Variants in MGAT4C observed in about 807,000 individuals in gnomAD.
The protein encoded by MGAT4C is MGAT4 family member C, also known as alpha-1,3-mannosyl-glycoprotein 4-beta-N-acetylglucosaminyltransferase C.
Under a neutral mutation model 40.1 loss-of-function variants are expected in MGAT4C, and 19 were observed. The observed-to-expected ratio is 0.47, with a 90% CI of 0.33 to 0.70. The LOEUF is 0.70. Among genes scored for constraint, MGAT4C ranks in the 30% least tolerant of loss-of-function variants. The pLI, the probability that MGAT4C is intolerant of heterozygous loss-of-function variation, is 0.02. For synonymous variants in MGAT4C, 181 were observed against 187.1 expected (o/e 0.97, Z 0.27); for missense variants, 491 against 563.2 (o/e 0.87, Z 1.30).
chr12:86,018,413 T>A (rs1162404252), intron 2 of MGAT4C, among the ~76,000 whole-genome samples: 1 of 152,186 alleles, frequency 6.6e-6, no homozygotes, highest in Non-Finnish European at 1.5e-5. Context: ...TTCATCTGTC[T>A]GACATGTGCC....
rs373159706 is a variant in MGAT4C at position 86,588,712 on chromosome 12, G to A, written c.-229+138497C>T. Among the ~76,000 whole-genome samples the A allele has an allele frequency of 2.7e-3, 414 of 151,946 alleles. 2 individuals are homozygous for A. The highest frequency in any genetic ancestry group is 8.9e-3 in the African/African-American group (369 of 41,460). On this transcript the variant is annotated intron_variant, in intron 2 of 7. Transcript: ENST00000548651. ...ATTATAACAAACTGTCTCTCAGACCGCAGTGCAATCAAACTAGAACTCAGG... is the reference window on the plus strand; with the variant it reads ...ATTATAACAAACTGTCTCTCAGACCACAGTGCAATCAAACTAGAACTCAGG...
intron 1 of MGAT4C, among the ~76,000 whole-genome samples, chr12:86,239,080 G>A (rs548325324): frequency 3.6e-4 from 55 of 151,880 alleles, no homozygotes; most frequent in African/African-American, 9.2e-4. Flanking sequence ...AGTGGCATTC[G>A]GCGAGTGTTC....
In MGAT4C at chr12:86,550,078, A is replaced by T. The variant is rs955325825; in HGVS notation, c.-228-114813T>A. Among the ~76,000 whole-genome samples, 22 of 152,014 alleles carry T rather than the reference A, an allele frequency of 1.4e-4. 1 individual carries two copies. Among genetic ancestry groups the T allele is most frequent in the South Asian group, 2.1e-4 (1 of 4,816 alleles). Reference sequence around the variant, plus strand: ...ATGATAGTGAGTGACTTCTCATGAGATCTGATGGTTTTATATGGGGCTTTT... The same window carrying T: ...ATGATAGTGAGTGACTTCTCATGAGTTCTGATGGTTTTATATGGGGCTTTT... On this transcript the variant is annotated intron_variant, in intron 2 of 7. Coordinates refer to the MGAT4C transcript ENST00000548651.
intron 4 of MGAT4C, among the ~76,000 whole-genome samples, chr12:86,306,933 A>T (rs745427905): frequency 6.6e-6 from 1 of 150,654 alleles, no homozygotes; most frequent in Admixed American, 6.6e-5. Context: ...ATGAAATTCT[A>T]TTTTTCAGTA....
intron 2 of MGAT4C, among the ~76,000 whole-genome samples, chr12:86,576,715 T>C (rs1960574135): frequency 1.3e-5 from 2 of 151,982 alleles, no homozygotes; most frequent in African/African-American, 4.8e-5. Flanking sequence ...GCTGTTTTGG[T>C]TACTATAGAT....
At chr12:86,700,893 T>C (rs1205453942) in intron 2 of MGAT4C, among the ~76,000 whole-genome samples, 1 of 152,104 alleles carries the variant, frequency 6.6e-6, no homozygotes, top group Admixed American at 6.6e-5. Flanking sequence ...GCTTTATTGA[T>C]AGTAGAGAAT....
chr12:86,588,873 T>C (rs376940514), intron 2 of MGAT4C, among the ~76,000 whole-genome samples: 1 of 151,372 alleles, frequency 6.6e-6, no homozygotes. Context: ...AGACACAACA[T>C]ACCAGAATCT....
chr12:86,805,940 G>A (rs1483330807), intron 1 of MGAT4C, among the ~76,000 whole-genome samples: 1 of 151,502 alleles, frequency 6.6e-6, no homozygotes, highest in East Asian at 1.9e-4. Context: ...ATCTCATTAT[G>A]GTTTTGATTT....
chr12:86,275,944 C>CAAAAAAAAAA (rs748476574), intron 4 of MGAT4C, among the ~76,000 whole-genome samples: 4 of 69,180 alleles, frequency 5.8e-5, no homozygotes, highest in Non-Finnish European at 8.0e-5. Context: ...ACTAAAAATC[C>CAAAAAAAAAA]AAAAAAAAAA....
intron 2 of MGAT4C, among the ~76,000 whole-genome samples, chr12:86,570,802 T>A (rs1960331718): frequency 6.6e-6 from 1 of 152,126 alleles, no homozygotes; most frequent in African/African-American, 2.4e-5. Context: ...ATTTACTTAA[T>A]ATTTTCTTTT....
chr12:86,135,734 G>C (rs1370907635), intron 1 of MGAT4C, among the ~76,000 whole-genome samples: 1 of 152,150 alleles, frequency 6.6e-6, no homozygotes, highest in Non-Finnish European at 1.5e-5. Context: ...GAGAATGTCA[G>C]CATCATCTTT....
chr12:86,044,091 C>T (rs2136948021), intron 2 of MGAT4C, among the ~76,000 whole-genome samples: 1 of 152,188 alleles, frequency 6.6e-6, no homozygotes, highest in Admixed American at 6.5e-5. Flanking sequence ...TGATTGTGGT[C>T]TAAGGTGGTT....
intron 1 of MGAT4C, among the ~76,000 whole-genome samples, chr12:86,173,391 C>T (rs1453829058): frequency 1.3e-5 from 2 of 151,992 alleles, no homozygotes; most frequent in Non-Finnish European, 2.9e-5. Context: ...TTGTAATTAT[C>T]ATCATACCTC....
chr12:86,164,822 C>T (rs904308746), intron 1 of MGAT4C, among the ~76,000 whole-genome samples: 10 of 151,990 alleles, frequency 6.6e-5, no homozygotes, highest in Admixed American at 5.9e-4. Flanking sequence ...CTTAGCAGGG[C>T]AATTTAGGCC....
chr12:85,988,368 A>C (rs1885488760), intron 3 of MGAT4C, among the ~76,000 whole-genome samples: 1 of 152,200 alleles, frequency 6.6e-6, no homozygotes, highest in African/African-American at 2.4e-5. Flanking sequence ...CATAGGATAT[A>C]GCATAGTATC....
intron 2 of MGAT4C, among the ~76,000 whole-genome samples, chr12:86,566,570 A>ATATATATG (rs1565853557): frequency 1.0e-3 from 41 of 39,354 alleles, no homozygotes; most frequent in South Asian, 4.1e-3. Flanking sequence ...ATATATATAT[A>ATATATATG]TATATGTATA....
rs1891445966 is a variant in MGAT4C, at chr12:86,038,332, C to A, written c.-7+11342G>T. The stretch of plus-strand genomic sequence containing the variant: ...CTGGACATTATGTCAGACATGCAAG[C>A]CCTGTCTCAGCTTTTTTCCCAACAT... On this transcript the variant is annotated intron_variant, in intron 2 of 4. Transcript: ENST00000611864. Among the ~76,000 whole-genome samples, 2 of 149,480 alleles carry A rather than the reference C, an allele frequency of 1.3e-5. 1 individual carries two copies. The highest frequency in any genetic ancestry group is 3.0e-5 in the Non-Finnish European group (2 of 66,668).
At chr12:86,159,476 G>A (rs1049214726) in intron 1 of MGAT4C, among the ~76,000 whole-genome samples, 1 of 151,048 alleles carries the variant, frequency 6.6e-6, no homozygotes, top group Admixed American at 6.6e-5. Flanking sequence ...GATTTTAGTC[G>A]GTAGCTTTCT....
intron 2 of MGAT4C, among the ~76,000 whole-genome samples, chr12:86,503,957 C>A (rs1958424300): frequency 6.6e-6 from 1 of 150,400 alleles, no homozygotes; most frequent in Non-Finnish European, 1.5e-5. Context: ...AACCTTCCTA[C>A]AAAATAAGAA....
Sources: gnomAD v4.1 joint callset for allele counts (sites outside exome capture counted in the v4.1 genomes callset) on GRCh38, gnomAD v4.1.1 for gene constraint, MANE v1.5 for transcripts, NCBI Gene and HGNC (gene_info 2026-07-23, HGNC 2026-07-21) for gene names.